OR3A2: variants seen among roughly 807,000 people sequenced by gnomAD.
OR3A2 encodes the protein olfactory receptor 3A2.
For synonymous variants in OR3A2, 126 were observed against 159.3 expected, an observed-to-expected ratio of 0.79 and a Z score of 1.57; for missense variants, 318 against 392.8, an observed-to-expected ratio of 0.81 and a Z score of 1.61.
Position 3,321,206 on chromosome 17 carries a change from G to A in OR3A2, c.-85+14827C>T, listed in dbSNP as rs1045257282. On this transcript the variant is annotated intron_variant, in intron 3 of 4. Coordinates refer to the OR3A2 transcript ENST00000573491. The stretch of plus-strand genomic sequence containing the variant: ...GTCTGTTGTTGGTGTGTAAGAATGG[G>A]TGTGATTTTTGTACATTGATTTTGT... Among the ~76,000 whole-genome samples, 12 of 148,792 alleles carry A rather than the reference G, an allele frequency of 8.1e-5. 2 individuals are homozygous for A. Among genetic ancestry groups the A allele is most frequent in the African/African-American group, 2.6e-4 (10 of 38,568 alleles).
chr17:3,371,265 C>T (rs1597362400), intron 2 of OR3A2, among the ~76,000 whole-genome samples: 2 of 151,248 alleles, frequency 1.3e-5, no homozygotes, highest in South Asian at 2.1e-4. Context: ...TCACCTCCCT[C>T]CCGGACGGGG....
intron 3 of OR3A2, among the ~76,000 whole-genome samples, chr17:3,295,854 A>C (rs1002191775): frequency 6.6e-6 from 1 of 152,160 alleles, no homozygotes; most frequent in Non-Finnish European, 1.5e-5. Context: ...GGGTGCAAGA[A>C]GATGTAATAG....
intron 1 of OR3A2, among the ~76,000 whole-genome samples, chr17:3,384,780 T>G (rs1160774410): frequency 6.6e-6 from 1 of 152,126 alleles, no homozygotes; most frequent in African/African-American, 2.4e-5. Flanking sequence ...ACTGTGGCCA[T>G]TCATTTACTT....
intron 2 of OR3A2, among the ~76,000 whole-genome samples, chr17:3,360,089 CCTGA>C (rs1221379664): frequency 1.3e-5 from 2 of 151,728 alleles, no homozygotes; most frequent in Non-Finnish European, 2.9e-5. Flanking sequence ...CCTGTTGTTT[CCTGA>C]CTTTTTAATG....
chr17:3,332,255 G>GCTGCTTGC (rs1364332196), intron 3 of OR3A2, among the ~76,000 whole-genome samples: 1 of 152,000 alleles, frequency 6.6e-6, no homozygotes, highest in Non-Finnish European at 1.5e-5. Flanking sequence ...CGAGCTTCGC[G>GCTGCTTGC]GCTGCTTTGT....
intron 2 of OR3A2, among the ~76,000 whole-genome samples, chr17:3,350,395 C>T (rs879372313): frequency 9.3e-4 from 138 of 148,806 alleles, no homozygotes; most frequent in Admixed American, 1.7e-3. Context: ...TCAGAGAATA[C>T]TACAAACACC....
At chr17:3,333,579 G>A (rs561677865) in intron 3 of OR3A2, among the ~76,000 whole-genome samples, 4 of 152,222 alleles carry the variant, frequency 2.6e-5, no homozygotes, top group African/African-American at 9.6e-5. Context: ...CACCCTCGGA[G>A]GCCCAGCTGT....
chr17:3,382,725 C>T (rs2049748042), intron 2 of OR3A2, among the ~76,000 whole-genome samples: 1 of 152,224 alleles, frequency 6.6e-6, no homozygotes, highest in Non-Finnish European at 1.5e-5. Context: ...CCTTTCCACT[C>T]CCAAGCATCT....
In OR3A2 at chr17:3,352,707, C is replaced by T. The variant is rs899776244; in HGVS notation, c.-178-16581G>A. Among the ~76,000 whole-genome samples, 11 of 152,012 alleles carry T rather than the reference C, an allele frequency of 7.2e-5. No homozygotes were observed. In the East Asian group the frequency reaches 1.9e-3, roughly 27 times the overall value. On this transcript the variant is annotated intron_variant, in intron 2 of 4. Transcript: ENST00000573491. ...AATTCTTCCAGTTTTGTTCTTTTTG[C>T]TTCAGGATAGCTTTGGCTAATCTGG...
chr17:3,298,500 G>C (rs1008893459), intron 3 of OR3A2: 1 of 152,198 alleles, frequency 6.6e-6, no homozygotes. Flanking sequence ...ACTCACTTCA[G>C]TAAAAAGAGA....
At chr17:3,319,060 C>T (rs1177664665) in intron 3 of OR3A2, among the ~76,000 whole-genome samples, 7 of 152,144 alleles carry the variant, frequency 4.6e-5, no homozygotes, top group Non-Finnish European at 1.0e-4. Context: ...TACATACACA[C>T]CAAATCATGG....
At chr17:3,365,608 G>A (rs1362368426) in intron 2 of OR3A2, among the ~76,000 whole-genome samples, 1 of 152,080 alleles carries the variant, frequency 6.6e-6, no homozygotes, top group South Asian at 2.1e-4. Flanking sequence ...ACATGTCAAG[G>A]ACCCACATTG....
At chr17:3,355,245 G>A (rs188042366) in intron 2 of OR3A2, among the ~76,000 whole-genome samples, 7 of 151,596 alleles carry the variant, frequency 4.6e-5, no homozygotes, top group East Asian at 1.9e-4. Context: ...AATGATCCAT[G>A]TGCTGAGGAA....
At chr17:3,349,573 A>T (rs1223025535) in intron 2 of OR3A2, among the ~76,000 whole-genome samples, 1 of 152,096 alleles carries the variant, frequency 6.6e-6, no homozygotes, top group Admixed American at 6.6e-5. Flanking sequence ...ACTCCCACAC[A>T]TTAATAATAG....
intron 2 of OR3A2, among the ~76,000 whole-genome samples, chr17:3,357,564 G>A (rs1054160746): frequency 6.6e-6 from 1 of 151,552 alleles, no homozygotes; most frequent in Non-Finnish European, 1.5e-5. Context: ...GAGGAGAGGA[G>A]AAGGAGAGTT....
At chr17:3,283,564 T>C (rs1475993450) in intron 1 of OR3A2, among the ~76,000 whole-genome samples, 4 of 152,164 alleles carry the variant, frequency 2.6e-5, no homozygotes, top group Non-Finnish European at 5.9e-5. Context: ...GGTTAAAATG[T>C]GTACGATATC....
chr17:3,367,993 G>T (rs1352607231), intron 2 of OR3A2, among the ~76,000 whole-genome samples: 2 of 152,122 alleles, frequency 1.3e-5, no homozygotes, highest in African/African-American at 4.8e-5. Flanking sequence ...GATAATTAGT[G>T]ATGTTGAGCA....
intron 3 of OR3A2, among the ~76,000 whole-genome samples, chr17:3,304,431 C>T (rs540574179): frequency 1.3e-5 from 2 of 152,286 alleles, no homozygotes; most frequent in African/African-American, 4.8e-5. Context: ...GTTCTCCTTG[C>T]CCTGGGTGTG....
At chr17:3,364,150 C>T (rs892589189) in intron 2 of OR3A2, among the ~76,000 whole-genome samples, 1 of 152,120 alleles carries the variant, frequency 6.6e-6, no homozygotes, top group Non-Finnish European at 1.5e-5. Context: ...ATTTTAAAAG[C>T]TAAGGTCCTG....
Sources: gnomAD v4.1 joint callset for allele counts (sites outside exome capture counted in the v4.1 genomes callset) on GRCh38, gnomAD v4.1.1 for gene constraint, MANE v1.5 for transcripts, NCBI Gene and HGNC (gene_info 2026-07-23, HGNC 2026-07-21) for gene names.